MICU2: variants seen among roughly 807,000 people sequenced by gnomAD.
The protein encoded by MICU2 is mitochondrial calcium uptake 2.
In MICU2, 64 loss-of-function variants were observed where a neutral mutation model predicts 60.4. The ratio of observed to expected loss-of-function variants is 1.06; its 90% CI spans 0.87 to 1.31. The LOEUF is 1.31. Ranked by LOEUF, MICU2 falls within the 50% of genes most tolerant of loss-of-function variation. The pLI is 0.00. For missense variants in MICU2, 569 were observed against 531.0 expected, an observed-to-expected ratio of 1.07 and a Z score of -0.70; for synonymous variants, 201 against 175.0, an observed-to-expected ratio of 1.15 and a Z score of -1.17.
At chr13:21,512,555 C>T (rs1886458663) in intron 7 of MICU2, among the ~76,000 whole-genome samples, 1 of 149,036 alleles carries the variant, frequency 6.7e-6, no homozygotes, top group Non-Finnish European at 1.5e-5. Context: ...TCACACCATT[C>T]TCCTGCCTCA....
Position 21,541,307 on chromosome 13 carries a change from T to C in MICU2, c.359-1619A>G, listed in dbSNP as rs180730896. 4.3e-3 allele frequency among the ~76,000 whole-genome samples: 654 copies of C among 152,244 alleles called. 4 individuals are homozygous for C. Among genetic ancestry groups the C allele is most frequent in the Middle Eastern group, 0.037 (11 of 294 alleles). The stretch of plus-strand genomic sequence containing the variant: ...AGTGAGTAAAGAAGGTAATGTTTGC[T>C]TCCCTCCAGCTAGAAGTCTGGCTGC... On this transcript the variant is annotated intron_variant, in intron 2 of 11. Coordinates refer to ENST00000382374, the MANE Select transcript of MICU2 (RefSeq NM_152726.3).
rs545624828 is a variant in MICU2, at chr13:21,561,782, A to G, written c.358+5015T>C. ...CACAATGTGCAGGTTACATATGTAT[A>G]CATGTGCCATGCTGGTGTGCTGCAC... On this transcript the variant is annotated intron_variant, in intron 2 of 11. Transcript: ENST00000382374. Among the ~76,000 whole-genome samples, 53 of 145,144 alleles carry G rather than the reference A, an allele frequency of 3.7e-4. 1 individual carries two copies. The highest frequency in any genetic ancestry group is 7.4e-4 in the Non-Finnish European group (49 of 66,608).
chr13:21,518,100 C>T (rs971909047), intron 6 of MICU2, among the ~76,000 whole-genome samples: 1 of 152,144 alleles, frequency 6.6e-6, no homozygotes, highest in Admixed American at 6.5e-5. Context: ...GAGGTAATCA[C>T]CCAACAATTT....
chr13:21,601,133 G>C (rs1017004853), intron 1 of MICU2, among the ~76,000 whole-genome samples: 4 of 152,172 alleles, frequency 2.6e-5, no homozygotes, highest in African/African-American at 9.7e-5. Context: ...GCGTCAGGAA[G>C]AGTTTACCAA....
At chr13:21,576,125 A>G (rs1357074993) in intron 1 of MICU2, among the ~76,000 whole-genome samples, 1 of 152,246 alleles carries the variant, frequency 6.6e-6, no homozygotes, top group African/African-American at 2.4e-5. Context: ...TATTTTTCAC[A>G]CATTATTTCT....
intron 8 of MICU2, among the ~76,000 whole-genome samples, chr13:21,505,437 A>G (rs1329673907): frequency 2.0e-5 from 3 of 152,154 alleles, no homozygotes; most frequent in African/African-American, 4.8e-5. Context: ...AGAAAACTCA[A>G]TTTTCAGAAT....
intron 8 of MICU2, among the ~76,000 whole-genome samples, chr13:21,508,754 T>C (rs183453317): frequency 5.3e-5 from 8 of 152,322 alleles, no homozygotes; most frequent in African/African-American, 1.7e-4. Context: ...TTCCCTCAAA[T>C]GCCTCCCTGC....
rs778877794 is a variant in MICU2 at position 21,502,998 on chromosome 13, T to C, written c.861A>G (p.Leu287=). ...FMRKEDFAEW[L]LFFTNTENKD... ...TATTTTCAGTGTTAGTGAAAAAAAG[T>C]AGCCACTCTGCAAAGTCTTCTTTTC... Residue 287 remains leucine (L), a synonymous_variant, in exon 9 of 12, where the codon CTA becomes CTG. Coordinates refer to ENST00000382374, the MANE Select transcript of MICU2 (RefSeq NM_152726.3). 3.7e-6 allele frequency: 6 copies of C among 1,611,246 alleles called. No individual in the cohort carries two copies. Among genetic ancestry groups the C allele is most frequent in the Non-Finnish European group, 5.1e-6 (6 of 1,179,088 alleles).
At position 21,603,265 on chromosome 13, in the gene MICU2, C is replaced by T. The variant is rs528911141; in HGVS notation, c.210+674G>A. Among the ~76,000 whole-genome samples, 56 of 152,310 alleles carry T rather than the reference C, an allele frequency of 3.7e-4. 2 individuals are homozygous for T. The South Asian group carries it at 0.011, about 29-fold the overall frequency. ...GGGATTAAAGGCGTGTGCCACCGCG[C>T]CCGGCGGACTCTTGTCTTTAATAGA... On this transcript the variant is annotated intron_variant, in intron 1 of 11. Transcript: ENST00000382374.
chr13:21,523,088 C>T (rs1886759258), intron 4 of MICU2, among the ~76,000 whole-genome samples: 3 of 152,146 alleles, frequency 2.0e-5, no homozygotes, highest in African/African-American at 2.4e-5. Context: ...ACTTCTTGAG[C>T]TGGAACATCT....
intron 2 of MICU2, among the ~76,000 whole-genome samples, chr13:21,543,806 G>GA (rs71093329): frequency 0.71 from 94,044 of 131,824 alleles, 29,286 homozygotes; most frequent in East Asian, 0.75. Flanking sequence ...CATGCAAGTA[G>GA]AAAAAAAATC....
intron 1 of MICU2, among the ~76,000 whole-genome samples, chr13:21,600,874 G>T (rs1888798030): frequency 6.6e-6 from 1 of 152,124 alleles, no homozygotes; most frequent in Non-Finnish European, 1.5e-5. Flanking sequence ...TCGGCTCCCT[G>T]CAAGCTCCGC....
intron 2 of MICU2, among the ~76,000 whole-genome samples, chr13:21,564,639 G>T (rs1437611527): frequency 2.0e-5 from 3 of 152,152 alleles, no homozygotes; most frequent in African/African-American, 7.2e-5. Context: ...GAGGGGGATA[G>T]ATTTGGGAAT....
intron 2 of MICU2, among the ~76,000 whole-genome samples, chr13:21,564,854 G>A (rs1341017234): frequency 6.6e-6 from 1 of 152,124 alleles, no homozygotes; most frequent in African/African-American, 2.4e-5. Flanking sequence ...AAGCGTATGG[G>A]CTTCTCCGTG....
intron 2 of MICU2, among the ~76,000 whole-genome samples, chr13:21,552,261 A>G (rs1171645904): frequency 5.0e-4 from 76 of 152,056 alleles, no homozygotes; most frequent in Admixed American, 2.1e-3. Context: ...CATATCCTTC[A>G]CCCACTTTTT....
chr13:21,495,602 C>T, intron 10 of MICU2: 1 of 300,576 alleles, frequency 3.3e-6, no homozygotes, highest in Non-Finnish European at 6.1e-6. Context: ...ATGGCACGAT[C>T]TTGACTCACT....
intron 2 of MICU2, among the ~76,000 whole-genome samples, chr13:21,546,623 G>A (rs964212302): frequency 6.6e-6 from 1 of 152,190 alleles, no homozygotes; most frequent in Non-Finnish European, 1.5e-5. Flanking sequence ...GAGAAGGCAG[G>A]AGAAGCTAAG....
At chr13:21,597,676 C>T (rs1318420053) in intron 1 of MICU2, among the ~76,000 whole-genome samples, 3 of 151,802 alleles carry the variant, frequency 2.0e-5, no homozygotes, top group Non-Finnish European at 4.4e-5. Flanking sequence ...GCCTGTAATC[C>T]CAGCAGGGAT....
intron 2 of MICU2, among the ~76,000 whole-genome samples, chr13:21,562,155 A>G (rs1428926013): frequency 6.6e-6 from 1 of 151,958 alleles, no homozygotes; most frequent in Non-Finnish European, 1.5e-5. Flanking sequence ...TATTGTGAAT[A>G]GTGCCGCAAT....
Sources: gnomAD v4.1 joint callset for allele counts (sites outside exome capture counted in the v4.1 genomes callset) on GRCh38, gnomAD v4.1.1 for gene constraint, MANE v1.5 for transcripts, NCBI Gene and HGNC (gene_info 2026-07-23, HGNC 2026-07-21) for gene names.